Variants in SHOX observed in about 807,000 individuals in gnomAD.
The protein encoded by SHOX is SHOX homeobox, also known as short stature homeobox protein.
Under a neutral mutation model 29.6 loss-of-function variants are expected in SHOX, and 12 were observed. That is an observed-to-expected ratio of 0.41 (90% CI 0.26 to 0.66). The LOEUF (loss-of-function observed/expected upper bound fraction) is 0.66. SHOX is among the 30% of genes least tolerant of loss of function. The probability of loss-of-function intolerance (pLI) is 0.35; values close to 1 mark genes in which losing one functional copy is unlikely to be tolerated. For missense variants in SHOX, 499 were observed against 437.7 expected, an observed-to-expected ratio of 1.14 and a Z score of -1.25; for synonymous variants, 214 against 200.6, an observed-to-expected ratio of 1.07 and a Z score of -0.57.
downstream of SHOX, among the ~76,000 whole-genome samples, chrX:653,943 C>T (rs890753703): frequency 6.6e-6 from 1 of 151,948 alleles, no homozygotes; most frequent in Admixed American, 6.6e-5. Context: ...TTGTTTTAAA[C>T]TTTGCAAGCA....
chrX:642,601 C>G (rs1040053257), intron 4 of SHOX, among the ~76,000 whole-genome samples: 5 of 152,154 alleles, frequency 3.3e-5, no homozygotes, highest in African/African-American at 9.7e-5. Flanking sequence ...GGTGGGGGAA[C>G]GAGCCTACTT....
chrX:625,209 C>A (rs1212311114), intron 1 of SHOX, among the ~76,000 whole-genome samples: 1 of 141,398 alleles, frequency 7.1e-6, no homozygotes, highest in African/African-American at 2.6e-5. Flanking sequence ...TCCTTCTCCT[C>A]CTCCTCCTCC....
intron 2 of SHOX, among the ~76,000 whole-genome samples, chrX:636,265 A>AAT (rs765269703): frequency 0.024 from 3,418 of 144,964 alleles, 142 homozygotes; most frequent in African/African-American, 0.073. Flanking sequence ...TATAAACATA[A>AAT]ATATATAAAC....
Position 631,429 on chromosome X carries a change from C to G in SHOX, c.277+255C>G, listed in dbSNP as rs766453833. Among the ~76,000 whole-genome samples, 250 of 152,302 alleles carry G rather than the reference C, an allele frequency of 1.6e-3. 1 individual carries two copies. Among genetic ancestry groups the G allele is most frequent in the African/African-American group, 5.7e-3 (236 of 41,578 alleles). On this transcript the variant is annotated intron_variant, in intron 1 of 4. Coordinates refer to ENST00000686671, the MANE Select transcript of SHOX (RefSeq NM_000451.4). ...CAGCGGGGGCCGCGCGCGTGGGCAC[C>G]GACACGGGAAGGTCCCGGGCTGGGG...
At chrX:627,606 C>A (rs1315226070), upstream of SHOX, among the ~76,000 whole-genome samples, 3 of 152,180 alleles carry the variant, frequency 2.0e-5, no homozygotes, top group African/African-American at 7.2e-5. Context: ...GTGAGAATTA[C>A]AATTGGGGCT....
chrX:644,921 G>A lies in SHOX; in HGVS notation c.*285G>A, dbSNP rs1207455049. The A allele has an allele frequency of 4.6e-6, 2 of 431,830 alleles. No individual in the cohort carries two copies. Among genetic ancestry groups the A allele is most frequent in the African/African-American group, 2.1e-5 (1 of 48,032 alleles). 26.7% of individuals were successfully genotyped at this position (431,830 alleles called of 1,614,324 possible). A position where few individuals can be genotyped will look rare whatever the true frequency, so the allele number is the denominator to read the frequency against. ...CCGTGCGTCCTGGGACCCTGGAGAA[G>A]GGTAAACCCCCGCCTGGCTGCGTCT... On this transcript the variant is annotated 3_prime_UTR_variant, in exon 5 of 5. Transcript: ENST00000686671.
At position 644,376 on chromosome X, in the gene SHOX, G is replaced by C; in HGVS notation, c.634-15G>C. 1.3e-6 allele frequency: 2 copies of C among 1,518,294 alleles called. No individual in the cohort carries two copies. Among genetic ancestry groups the C allele is most frequent in the South Asian group, 2.4e-5 (2 of 81,996 alleles). 94.1% of individuals were successfully genotyped at this position (1,518,294 alleles called of 1,614,324 possible). A position where few individuals can be genotyped will look rare whatever the true frequency, so the allele number is the denominator to read the frequency against. On this transcript the variant is annotated splice_polypyrimidine_tract_variant and intron_variant, in intron 4 of 4. Transcript: ENST00000686671. ...CCCATCCTGCGCCCTCACCCCGCCG[G>C]GTCCGCTCCCGCAGGTCCAGGCTCA... is the stretch of plus-strand genomic sequence containing the variant.
intron 2 of SHOX, among the ~76,000 whole-genome samples, chrX:639,189 C>T (rs2238842): frequency 0.27 from 40,459 of 152,086 alleles, 5,793 homozygotes; most frequent in Middle Eastern, 0.44. Context: ...GGGTCCCCTG[C>T]GCTATTGCAC....
At chrX:654,672 G>T (rs2053112897), downstream of SHOX, among the ~76,000 whole-genome samples, 1 of 152,066 alleles carries the variant, frequency 6.6e-6, no homozygotes. Context: ...GCAGGCAAGA[G>T]GATACTTTGT....
At chrX:658,828 G>A (rs1213033956) in exon 6 of SHOX, 5 of 402,478 alleles carry the variant, frequency 1.2e-5, no homozygotes, top group Non-Finnish European at 2.5e-5. Flanking sequence ...ATAATGGCAT[G>A]ATCTCGACTC....
chrX:627,944 G>C (rs976879344), upstream of SHOX, among the ~76,000 whole-genome samples: 10 of 152,142 alleles, frequency 6.6e-5, no homozygotes, highest in African/African-American at 2.4e-4. Context: ...CAGTTTCCCA[G>C]CAGAGGCAGA....
At chrX:659,229 G>C (rs926802078) in exon 6 of SHOX, 3 of 152,378 alleles carry the variant, frequency 2.0e-5, no homozygotes, top group African/African-American at 7.2e-5. Context: ...GGGACTACAG[G>C]CACCCACCAC....
intron 5 of SHOX, among the ~76,000 whole-genome samples, chrX:657,083 CA>C (rs1224553602): frequency 0.012 from 407 of 32,826 alleles, 8 homozygotes; most frequent in African/African-American, 0.036. Flanking sequence ...GACTCCGTCT[CA>C]AAAAAAAAAA....
chrX:650,689 C>G lies in SHOX; in HGVS notation c.*6053C>G, dbSNP rs2124209727. ...GCGAGGATGGCACACGGCAGCCACTCCCACGACACACATTTCGGAGGCACT... is the reference window on the plus strand; with the variant it reads ...GCGAGGATGGCACACGGCAGCCACTGCCACGACACACATTTCGGAGGCACT... On this transcript the variant is annotated 3_prime_UTR_variant, in exon 5 of 5. Coordinates refer to ENST00000686671, the MANE Select transcript of SHOX (RefSeq NM_000451.4). Among the ~76,000 whole-genome samples, 1 of 150,996 alleles carries G rather than the reference C, an allele frequency of 6.6e-6. No homozygotes were observed. Among genetic ancestry groups the G allele is most frequent in the South Asian group, 2.1e-4 (1 of 4,748 alleles).
At chrX:640,035 A>G (rs1395719069) in intron 2 of SHOX, among the ~76,000 whole-genome samples, 2 of 150,022 alleles carry the variant, frequency 1.3e-5, no homozygotes, top group South Asian at 2.1e-4. Context: ...AACAAAAATC[A>G]AAAAAGAAAA....
At chrX:643,924 G>T (rs1416615434) in intron 4 of SHOX, among the ~76,000 whole-genome samples, 1 of 144,420 alleles carries the variant, frequency 6.9e-6, no homozygotes, top group Non-Finnish European at 1.5e-5. Context: ...CCTTGGAGAG[G>T]CTTGGGGACC....
chrX:657,463 G>T (rs1408885184), intron 5 of SHOX, among the ~76,000 whole-genome samples: 2 of 152,130 alleles, frequency 1.3e-5, no homozygotes, highest in Admixed American at 6.6e-5. Context: ...AGAAAATGCT[G>T]CCCATCCTTC....
At chrX:634,492 C>T (rs1254047157) in intron 1 of SHOX, 126 bp from the exon 2 acceptor site, 5 of 968,406 alleles carry the variant, frequency 5.2e-6, no homozygotes, top group South Asian at 1.4e-5. Context: ...GGACCCCACG[C>T]AGTTTTTGCG....
intron 5 of SHOX, among the ~76,000 whole-genome samples, chrX:656,648 T>C (rs1441654463): frequency 1.3e-5 from 2 of 152,106 alleles, no homozygotes; most frequent in Non-Finnish European, 2.9e-5. Flanking sequence ...GAGACCATCC[T>C]GGCTAACACG....
Sources: gnomAD v4.1 joint callset for allele counts (sites outside exome capture counted in the v4.1 genomes callset) on GRCh38, gnomAD v4.1.1 for gene constraint, MANE v1.5 for transcripts, NCBI Gene and HGNC (gene_info 2026-07-23, HGNC 2026-07-21) for gene names.